ZNF276: variants seen among roughly 807,000 people sequenced by gnomAD.
The protein encoded by ZNF276 is centromere protein Z.
In ZNF276, 59 loss-of-function variants were observed where a neutral mutation model predicts 63.9. The ratio of observed to expected loss-of-function variants is 0.92; its 90% CI spans 0.75 to 1.15. The LOEUF (loss-of-function observed/expected upper bound fraction) is 1.15, where lower values mean the gene tolerates loss of function less well. ZNF276 is among the 50% of genes most tolerant of loss of function. ZNF276 has a pLI of 0.00. For missense variants in ZNF276, 1,084 were observed against 843.8 expected (o/e 1.28, Z -3.53); for synonymous variants, 496 against 348.4 (o/e 1.42, Z -4.72).
rs1177499044 is a variant in ZNF276 at position 89,738,949 on chromosome 16, T to C, written c.*703T>C. 1.2e-6 allele frequency: 2 copies of C among 1,614,246 alleles called. No homozygotes were observed. Among genetic ancestry groups the C allele is most frequent in the Non-Finnish European group, 1.7e-6 (2 of 1,180,052 alleles). On this transcript the variant is annotated 3_prime_UTR_variant, in exon 11 of 11. Transcript: ENST00000443381. ...TAACTGCAGCAGAAAAAGACGAGCT[T>C]TTGTTATCAGTTCCACGGGGTTGCC...
Position 89,739,308 on chromosome 16 carries a change from T to C in ZNF276, c.*1062T>C, listed in dbSNP as rs2151712162. On this transcript the variant is annotated 3_prime_UTR_variant, in exon 11 of 11. Transcript: ENST00000443381. ...GAGAAGACTAGAGGTAAAGACATAG[T>C]GACAAATGGCTACAGACTGCTGGAA... 6.2e-7 allele frequency: 1 copy of C among 1,614,008 alleles called. No individual in the cohort carries two copies. Among genetic ancestry groups the C allele is most frequent in the Non-Finnish European group, 8.5e-7 (1 of 1,179,986 alleles).
intron 6 of ZNF276, chr16:89,732,157 T>G (rs886940109): frequency 8.0e-6 from 1 of 125,282 alleles, no homozygotes; most frequent in African/African-American, 3.2e-5. Flanking sequence ...GAACCACAAG[T>G]GCGTCTCTCT....
intron 9 of ZNF276, among the ~76,000 whole-genome samples, chr16:89,735,298 G>GA (rs1185044461): frequency 6.6e-6 from 1 of 151,146 alleles, no homozygotes; most frequent in Non-Finnish European, 1.5e-5. Context: ...GTGGGGGGGG[G>GA]CCTGGAACCA....
At chr16:89,728,345 C>G (rs1278826029) in intron 5 of ZNF276, among the ~76,000 whole-genome samples, 1 of 152,042 alleles carries the variant, frequency 6.6e-6, no homozygotes, top group African/African-American at 2.4e-5. Flanking sequence ...CCGCCTCAGC[C>G]TCCCGAGTAG....
chr16:89,721,825 A>T lies in ZNF276; in HGVS notation c.185A>T (p.Glu62Val). ...GTGGGGTCCTGCGGGGACGCGGGCG[A>T]GGACGGCGCGGACGAGGCAGGTGGG... Reference protein sequence around the residue: ...GPVGSCGDAGEDGADEAGAGR... With the variant: ...GPVGSCGDAGVDGADEAGAGR... Residue 62 changes from glutamate to valine, a missense_variant, in exon 1 of 11, where the codon GAG (glutamate) becomes GTG (valine). Transcript: ENST00000443381. 8 of 1,223,628 alleles carry T rather than the reference A, an allele frequency of 6.5e-6. No individual in the cohort carries two copies. Among genetic ancestry groups the T allele is most frequent in the Non-Finnish European group, 8.1e-6 (8 of 983,248 alleles). The allele number at this position is 1,223,628 out of a possible 1,614,324, so 75.8% of individuals were successfully genotyped here. A position where few individuals can be genotyped will look rare whatever the true frequency, so the allele number is the denominator to read the frequency against.
At position 89,733,388 on chromosome 16, in the gene ZNF276, G is replaced by T; in HGVS notation, c.1256G>T (p.Trp419Leu). The change falls in exon 7 of 11, where the codon TGG becomes TTG. Residue 419 changes from tryptophan (W) to leucine (L), a missense_variant. Physicochemically the swap from Trp to Leu is moderately conservative, Grantham distance 61. Transcript: ENST00000443381. ...AAGAAGCCGGGACCCAAGCCCGGAT[G>T]GAAGAAGAAGCTTCGTTGTGAGAGG... ...IRKKPGPKPG[W>L]KKKLRCEREE... 6.2e-7 allele frequency: 1 copy of T among 1,614,172 alleles called. No individual in the cohort carries two copies. Among genetic ancestry groups the T allele is most frequent in the Non-Finnish European group, 8.5e-7 (1 of 1,180,034 alleles).
chr16:89,724,947 T>C (rs928148375), intron 4 of ZNF276, among the ~76,000 whole-genome samples: 1 of 152,230 alleles, frequency 6.6e-6, no homozygotes, highest in Non-Finnish European at 1.5e-5. Context: ...TATCTATCTA[T>C]GTGTTTATTT....
In ZNF276 at chr16:89,733,995, G is replaced by A. The variant is rs748017430; in HGVS notation, c.1431G>A (p.Met477Ile). The A allele has an allele frequency of 9.3e-6, 15 of 1,614,080 alleles. No homozygotes were observed. The highest frequency in any genetic ancestry group is 1.3e-5 in the Non-Finnish European group (15 of 1,180,028). The change falls in exon 9 of 11, where the codon ATG (methionine) becomes ATA (isoleucine). Residue 477 changes from methionine to isoleucine, a missense_variant. Physicochemically the swap from Met to Ile is conservative, Grantham distance 10 (BLOSUM62 1). Coordinates refer to ENST00000443381, the MANE Select transcript of ZNF276 (RefSeq NM_001113525.2). The stretch of plus-strand genomic sequence containing the variant: ...ACCCTGGCTGCAACAAGGTTTTCAT[G>A]ATCGACCGCTACCTGCAGCGCCACG... ...CPHPGCNKVF[M>I]IDRYLQRHVK...
chr16:89,733,262 A>G, intron 6 of ZNF276, 40 bp from the exon 7 acceptor site: 1 of 1,565,832 alleles, frequency 6.4e-7, no homozygotes, highest in Non-Finnish European at 8.7e-7. Flanking sequence ...TTGCAAATGG[A>G]GATCAGAAAC....
At chr16:89,731,327 C>T (rs2061643390) in intron 6 of ZNF276, among the ~76,000 whole-genome samples, 1 of 152,326 alleles carries the variant, frequency 6.6e-6, no homozygotes, top group South Asian at 2.1e-4. Context: ...GATCTTGGCT[C>T]ACTGCAACCT....
rs2062089238 is a variant in ZNF276 at position 89,740,043 on chromosome 16, T to C, written c.*1797T>C. ...CCAGCCAGGATATCTTCCTCTTCTC[T>C]AAACACTCGAGGATTGCTGCACAAA... On this transcript the variant is annotated 3_prime_UTR_variant, in exon 11 of 11. Coordinates refer to ENST00000443381, the MANE Select transcript of ZNF276 (RefSeq NM_001113525.2). 1 of 1,614,060 alleles carries C rather than the reference T, an allele frequency of 6.2e-7. No homozygotes were observed. Among genetic ancestry groups the C allele is most frequent in the African/African-American group, 1.3e-5 (1 of 74,930 alleles).
intron 6 of ZNF276, among the ~76,000 whole-genome samples, chr16:89,730,153 A>G (rs1225000642): frequency 6.6e-6 from 1 of 152,170 alleles, no homozygotes; most frequent in Non-Finnish European, 1.5e-5. Context: ...GGAGCAGTGG[A>G]GGAGGCCCGG....
rs1227549114 is a variant in ZNF276, at chr16:89,733,362, G to C, written c.1230G>C (p.Arg410=). 6.2e-7 allele frequency: 1 copy of C among 1,614,174 alleles called. No homozygotes were observed. Among genetic ancestry groups the C allele is most frequent in the East Asian group, 2.2e-5 (1 of 44,886 alleles). Residue 410 remains arginine (R), a synonymous_variant, in exon 7 of 11, where the codon CGG becomes CGC. Transcript: ENST00000443381. ...AGAAGTCTGAAGAACCAAGAATTCG[G>C]AAGAAGCCGGGACCCAAGCCCGGAT... The part of the protein sequence containing the change: ...EAKKSEEPRI[R]KKPGPKPGWK...
chr16:89,725,627 T>C (rs1475543111), intron 4 of ZNF276, among the ~76,000 whole-genome samples: 1 of 151,926 alleles, frequency 6.6e-6, no homozygotes, highest in African/African-American at 2.4e-5. Flanking sequence ...CCATCTCTAC[T>C]AAAAATACAA....
intron 6 of ZNF276, chr16:89,732,324 G>C (rs1423741071): frequency 6.6e-6 from 1 of 152,352 alleles, no homozygotes; most frequent in Admixed American, 6.5e-5. Flanking sequence ...CACAGGCTGG[G>C]CTCCCTGCAG....
Position 89,733,985 on chromosome 16 carries a change from A to G in ZNF276, c.1421A>G (p.Lys474Arg), listed in dbSNP as rs1365942223. The change falls in exon 9 of 11, where the codon AAG (lysine) becomes AGG (arginine). Residue 474 changes from lysine (K) to arginine (R), a missense_variant. Lys to Arg is a conservative substitution (Grantham distance 26). Transcript: ENST00000443381. ...CCCTGCCCCCACCCTGGCTGCAACA[A>G]GGTTTTCATGATCGACCGCTACCTG... is the stretch of plus-strand genomic sequence containing the variant. ...ERPCPHPGCN[K>R]VFMIDRYLQR... 5.6e-6 allele frequency: 9 copies of G among 1,613,956 alleles called. No homozygotes were observed. Among genetic ancestry groups the G allele is most frequent in the South Asian group, 3.3e-5 (3 of 91,090 alleles).
rs373158613 is a variant in ZNF276, at chr16:89,732,581, G to A, written c.1170-721G>A. ...GTGGGTTTTATGTGTAGCACAGGGTGAAGCTTTAGTTCTCAGAACCCACCC... is the reference window on the plus strand; with the variant it reads ...GTGGGTTTTATGTGTAGCACAGGGTAAAGCTTTAGTTCTCAGAACCCACCC... On this transcript the variant is annotated intron_variant, in intron 6 of 10. Transcript: ENST00000443381. 9.0e-5 allele frequency: 16 copies of A among 177,944 alleles called. 1 individual carries two copies. The South Asian group carries it at 1.6e-3, about 17-fold the overall frequency. The allele number at this position is 177,944 out of a possible 1,614,324, so 11.0% of individuals were successfully genotyped here.
At position 89,722,455 on chromosome 16, in the gene ZNF276, G is replaced by A. The variant is rs1050681447; in HGVS notation, c.206-76G>A. On this transcript the variant is annotated intron_variant, in intron 1 of 10. Coordinates refer to ENST00000443381, the MANE Select transcript of ZNF276 (RefSeq NM_001113525.2). Reference sequence around the variant, plus strand: ...GAAGGGCGCTGCAGGCGCTGCCCTCGGACCTGGAGTCCGGGACGCCCTGTG... The same window carrying A: ...GAAGGGCGCTGCAGGCGCTGCCCTCAGACCTGGAGTCCGGGACGCCCTGTG... 13 of 1,487,566 alleles carry A rather than the reference G, an allele frequency of 8.7e-6. No individual in the cohort carries two copies. In the African/African-American group the frequency reaches 1.1e-4, roughly 13 times the overall value. 92.1% of individuals were successfully genotyped at this position (1,487,566 alleles called of 1,614,324 possible).
chr16:89,724,021 G>A (rs1344924389), intron 4 of ZNF276, among the ~76,000 whole-genome samples: 2 of 152,224 alleles, frequency 1.3e-5, no homozygotes, highest in African/African-American at 2.4e-5. Flanking sequence ...TGAGGAAGAG[G>A]GAAGAATAGG....
Sources: gnomAD v4.1 joint callset for allele counts (sites outside exome capture counted in the v4.1 genomes callset) on GRCh38, gnomAD v4.1.1 for gene constraint, MANE v1.5 for transcripts, NCBI Gene and HGNC (gene_info 2026-07-23, HGNC 2026-07-21) for gene names.